Variants in TLCD4 observed in about 807,000 individuals in gnomAD.
TLCD4 encodes the protein TLC domain containing 4.
Under a neutral mutation model 24.2 loss-of-function variants are expected in TLCD4, and 7 were observed. The ratio of observed to expected loss-of-function variants is 0.29; its 90% CI spans 0.16 to 0.54. The LOEUF is 0.54. Ranked by LOEUF, TLCD4 falls within the 20% of genes least tolerant of loss-of-function variation. The probability of loss-of-function intolerance (pLI) is 0.95; values close to 1 mark genes in which losing one functional copy is unlikely to be tolerated. For synonymous variants in TLCD4, 103 were observed against 106.4 expected, an observed-to-expected ratio of 0.97 and a Z score of 0.20; for missense variants, 259 against 313.9, an observed-to-expected ratio of 0.82 and a Z score of 1.32.
chr1:95,157,912 C>T (rs1461883958), intron 5 of TLCD4, among the ~76,000 whole-genome samples: 1 of 152,192 alleles, frequency 6.6e-6, no homozygotes, highest in Non-Finnish European at 1.5e-5. Context: ...ATAAGACCAC[C>T]TCTTGATACG....
chr1:95,143,409 T>C (rs527571534), intron 1 of TLCD4, among the ~76,000 whole-genome samples: 1 of 152,330 alleles, frequency 6.6e-6, no homozygotes, highest in East Asian at 1.9e-4. Flanking sequence ...GTTTTTTAAT[T>C]ATGGAATTAT....
chr1:95,180,003 CTTT>C (rs896025633), intron 6 of TLCD4, among the ~76,000 whole-genome samples: 10 of 152,194 alleles, frequency 6.6e-5, no homozygotes, highest in African/African-American at 2.4e-4. Context: ...AAAGTTCTCT[CTTT>C]TTTATGTTTC....
chr1:95,147,566 C>T (rs776800529), intron 2 of TLCD4, among the ~76,000 whole-genome samples: 1 of 152,148 alleles, frequency 6.6e-6, no homozygotes, highest in African/African-American at 2.4e-5. Context: ...TAGCATGATA[C>T]ATCTATTTTG....
intron 5 of TLCD4, among the ~76,000 whole-genome samples, chr1:95,170,527 C>T (rs999621804): frequency 1.3e-5 from 2 of 151,966 alleles, no homozygotes; most frequent in Non-Finnish European, 2.9e-5. Context: ...GACAGGGTTT[C>T]ACTGTATTAG....
chr1:95,132,344 C>T (rs1041040833), intron 1 of TLCD4, among the ~76,000 whole-genome samples: 3 of 151,692 alleles, frequency 2.0e-5, no homozygotes, highest in African/African-American at 7.3e-5. Context: ...GTAATCCCAG[C>T]TATGCTGGAG....
the TLCD4 span, among the ~76,000 whole-genome samples, chr1:95,103,222 A>G: frequency 6.6e-6 from 1 of 151,798 alleles, no homozygotes; most frequent in Non-Finnish European, 1.5e-5. Context: ...CAGGTGATGC[A>G]CCCGCCTCAG....
chr1:95,136,222 A>G (rs1335571345), intron 1 of TLCD4, among the ~76,000 whole-genome samples: 1 of 152,062 alleles, frequency 6.6e-6, no homozygotes, highest in African/African-American at 2.4e-5. Flanking sequence ...ACTCTTTCTG[A>G]GTATAAATGA....
chr1:95,181,705 T>C (rs1678649570), intron 6 of TLCD4, among the ~76,000 whole-genome samples: 1 of 152,080 alleles, frequency 6.6e-6, no homozygotes, highest in Admixed American at 6.6e-5. Flanking sequence ...CAAGCAATTC[T>C]CCTGCCTCAG....
At chr1:95,161,742 C>T (rs1332169698) in intron 5 of TLCD4, among the ~76,000 whole-genome samples, 1 of 152,122 alleles carries the variant, frequency 6.6e-6, no homozygotes, top group Non-Finnish European at 1.5e-5. Flanking sequence ...TTTATTTCTG[C>T]CTTCATTTCG....
At chr1:95,120,080 C>T (rs1676530034) in intron 1 of TLCD4, 1 of 152,160 alleles carries the variant, frequency 6.6e-6, no homozygotes, top group African/African-American at 2.4e-5. Context: ...AAGGATACCA[C>T]CAAACTAGTG....
chr1:95,095,591 G>A, the TLCD4 span, among the ~76,000 whole-genome samples: 85 of 152,136 alleles, frequency 5.6e-4, no homozygotes, highest in African/African-American at 1.9e-3. Context: ...TAGAGACAGG[G>A]TTTCACCGTG....
At chr1:95,160,596 G>C (rs890602965) in intron 5 of TLCD4, among the ~76,000 whole-genome samples, 10 of 152,142 alleles carry the variant, frequency 6.6e-5, no homozygotes, top group Admixed American at 5.9e-4. Context: ...GTTTTCAAAG[G>C]GAATGCTTCC....
chr1:95,115,127 G>C (rs917066905), upstream of TLCD4, among the ~76,000 whole-genome samples: 1 of 141,998 alleles, frequency 7.0e-6, no homozygotes, highest in Non-Finnish European at 1.5e-5. Context: ...TTGTTTTTGA[G>C]ACAGAGTTTC....
At chr1:95,116,475 T>C (rs1676432144), upstream of TLCD4, among the ~76,000 whole-genome samples, 1 of 152,232 alleles carries the variant, frequency 6.6e-6, no homozygotes, top group Non-Finnish European at 1.5e-5. Context: ...TAGAAATAAA[T>C]ATCCTGTTAT....
chr1:95,114,441 GA>G (rs576681795), upstream of TLCD4, among the ~76,000 whole-genome samples: 27 of 151,584 alleles, frequency 1.8e-4, no homozygotes, highest in Middle Eastern at 3.4e-3. Context: ...ATAATTTTTA[GA>G]AAAAAAACAG....
chr1:95,185,508 G>A (rs1678801113), intron 6 of TLCD4, among the ~76,000 whole-genome samples: 1 of 152,150 alleles, frequency 6.6e-6, no homozygotes, highest in African/African-American at 2.4e-5. Context: ...TGCACTAAGT[G>A]TGCCTGCCTT....
At chr1:95,171,403 A>G (rs1047338081) in intron 5 of TLCD4, among the ~76,000 whole-genome samples, 1 of 152,232 alleles carries the variant, frequency 6.6e-6, no homozygotes, top group Admixed American at 6.5e-5. Context: ...GTTCACAATA[A>G]TGGATCATCC....
At position 95,139,742 on chromosome 1, in the gene TLCD4, G is replaced by A. The variant is rs368859781; in HGVS notation, c.-11-4149G>A. 1.3e-4 allele frequency among the ~76,000 whole-genome samples: 20 copies of A among 152,254 alleles called. 1 individual carries two copies. In the South Asian group the frequency reaches 3.9e-3, roughly 30 times the overall value. On this transcript the variant is annotated intron_variant, in intron 1 of 6. Coordinates refer to ENST00000370203, the MANE Select transcript of TLCD4 (RefSeq NM_152487.3). ...GCCAAAGTGCTGGGATTACAGGCGT[G>A]AGCCACTGCACCCAGCCTTTGATTC... is the stretch of plus-strand genomic sequence containing the variant.
chr1:95,164,459 A>T (rs544778971), intron 5 of TLCD4: 1 of 152,334 alleles, frequency 6.6e-6, no homozygotes, highest in African/African-American at 2.4e-5. Context: ...AGGTGAGGCG[A>T]TGCCTCGCCC....
Sources: gnomAD v4.1 joint callset for allele counts (sites outside exome capture counted in the v4.1 genomes callset) on GRCh38, gnomAD v4.1.1 for gene constraint, MANE v1.5 for transcripts, NCBI Gene and HGNC (gene_info 2026-07-23, HGNC 2026-07-21) for gene names.